Variants in ATP10D observed in about 807,000 individuals in gnomAD.
ATP10D encodes phospholipid-transporting ATPase VD.
In ATP10D, 89 loss-of-function variants were observed where a neutral mutation model predicts 144.8. That is an observed-to-expected ratio of 0.61 (90% CI 0.52 to 0.73). The LOEUF is 0.73. Ranked by LOEUF, ATP10D falls within the 30% of genes least tolerant of loss-of-function variation. ATP10D has a pLI of 0.00. For missense variants in ATP10D, 1,603 were observed against 1,714.8 expected, an observed-to-expected ratio of 0.93 and a Z score of 1.15; for synonymous variants, 571 against 615.1, an observed-to-expected ratio of 0.93 and a Z score of 1.06.
intron 5 of ATP10D, among the ~76,000 whole-genome samples, chr4:47,534,549 T>C (rs12374260): frequency 0.48 from 73,057 of 152,026 alleles, 18,046 homozygotes; most frequent in East Asian, 0.82. Context: ...GATGTCTCCT[T>C]GTCCCATTGT....
chr4:47,524,186 A>T (rs1717115901), intron 4 of ATP10D, among the ~76,000 whole-genome samples: 1 of 152,048 alleles, frequency 6.6e-6, no homozygotes. Flanking sequence ...TCGGCCTCCC[A>T]AAGTGCTGGG....
chr4:47,536,436 G>C lies in ATP10D; in HGVS notation c.1016-1G>C. The C allele has an allele frequency of 6.2e-7, 1 of 1,610,328 alleles. No individual in the cohort carries two copies. Among genetic ancestry groups the C allele is most frequent in the Non-Finnish European group, 8.5e-7 (1 of 1,178,812 alleles). ...TTTGATGTCTGTGTATTTTTTGAAAGGTCATGGAATCTGGCTGAGCAGGTA... is the reference window on the plus strand; with the variant it reads ...TTTGATGTCTGTGTATTTTTTGAAACGTCATGGAATCTGGCTGAGCAGGTA... On this transcript the variant is annotated splice_acceptor_variant, in intron 7 of 22. Transcript: ENST00000273859. LOFTEE classifies it high-confidence loss of function.
chr4:47,500,671 A>G (rs1560409926), intron 1 of ATP10D, among the ~76,000 whole-genome samples: 1 of 152,158 alleles, frequency 6.6e-6, no homozygotes, highest in African/African-American at 2.4e-5. Flanking sequence ...TTGGACCTCC[A>G]TTTGCACTTG....
intron 15 of ATP10D, among the ~76,000 whole-genome samples, chr4:47,566,316 T>C (rs1719636849): frequency 6.6e-6 from 1 of 152,260 alleles, no homozygotes; most frequent in African/African-American, 2.4e-5. Flanking sequence ...ATATCCTGTT[T>C]GTAACTAGTT....
In ATP10D at chr4:47,569,022, A is replaced by G; in HGVS notation, c.3039A>G (p.Gln1013=). 1 of 1,614,234 alleles carries G rather than the reference A, an allele frequency of 6.2e-7. No individual in the cohort carries two copies. Among genetic ancestry groups the G allele is most frequent in the Non-Finnish European group, 8.5e-7 (1 of 1,180,038 alleles). Residue 1013 remains glutamine, a synonymous_variant, in exon 16 of 23, where the codon CAA becomes CAG. Transcript: ENST00000273859. ...AGTTTGCCCTGCAAGAAAGTCTGCA[A>G]AAGCAGTTCCTGGAACTGACATCTT... ...TLEFALQESL[Q]KQFLELTSWC...
intron 22 of ATP10D, 69 bp from the exon 23 acceptor site, chr4:47,590,973 A>AT: frequency 9.7e-7 from 1 of 1,033,892 alleles, no homozygotes; most frequent in Non-Finnish European, 1.3e-6. Context: ...ATTCGTTAGT[A>AT]TTTGGGGGGG....
chr4:47,546,980 G>T, intron 10 of ATP10D, 118 bp downstream of exon 10: 1 of 909,628 alleles, frequency 1.1e-6, no homozygotes, highest in Non-Finnish European at 1.7e-6. Flanking sequence ...GAGACTACAT[G>T]ATTGCAGCTC....
chr4:47,558,343 C>A, intron 12 of ATP10D, 70 bp downstream of exon 12: 1 of 1,531,930 alleles, frequency 6.5e-7, no homozygotes, highest in Non-Finnish European at 8.8e-7. Context: ...TACTTGATGG[C>A]TTTATAAAGG....
chr4:47,586,303 A>G (rs1420258364), intron 21 of ATP10D, among the ~76,000 whole-genome samples: 1 of 152,228 alleles, frequency 6.6e-6, no homozygotes, highest in Admixed American at 6.5e-5. Flanking sequence ...CATGAATATG[A>G]AAGTAGCTAG....
chr4:47,512,632 C>A lies in ATP10D; in HGVS notation c.92C>A (p.Ser31Tyr). ...GATGATTCAGGGCCATACAACTATT[C>A]CTCGTTGCTCGCCTGTGGGCGCAAG... ...RDDDSGPYNY[S>Y]SLLACGRKSS... The change falls in exon 2 of 23, where the codon TCC becomes TAC. Residue 31 changes from serine (S) to tyrosine (Y), a missense_variant. Physicochemically the swap from Ser to Tyr is moderately radical, Grantham distance 144. Transcript: ENST00000273859. 1 of 1,614,156 alleles carries A rather than the reference C, an allele frequency of 6.2e-7. No individual in the cohort carries two copies. Among genetic ancestry groups the A allele is most frequent in the Non-Finnish European group, 8.5e-7 (1 of 1,180,030 alleles).
chr4:47,500,481 T>G (rs1715625160), intron 1 of ATP10D, among the ~76,000 whole-genome samples: 1 of 152,218 alleles, frequency 6.6e-6, no homozygotes, highest in Non-Finnish European at 1.5e-5. Context: ...TGAGAAGTGG[T>G]AAGATTCTGG....
intron 13 of ATP10D, 133 bp downstream of exon 13, chr4:47,559,162 C>T (rs11730590): frequency 0.4 from 252,636 of 631,426 alleles, 51,697 homozygotes; most frequent in Admixed American, 0.44. Context: ...CTCTTTTTAC[C>T]TTCTCTATTC....
rs1229911880 is a variant in ATP10D, at chr4:47,592,778, A to C, written c.*1397A>C. ...GTTATTATTGGAAATAGTCTCTTAC[A>C]TAAGCTGATTTCGAGAACTTTCAAA... On this transcript the variant is annotated 3_prime_UTR_variant, in exon 23 of 23. Coordinates refer to ENST00000273859, the MANE Select transcript of ATP10D (RefSeq NM_020453.4). 6.6e-6 allele frequency: 1 copy of C among 152,574 alleles called. No individual in the cohort carries two copies. Among genetic ancestry groups the C allele is most frequent in the Non-Finnish European group, 1.5e-5 (1 of 68,004 alleles). 9.5% of individuals were successfully genotyped at this position (152,574 alleles called of 1,614,324 possible).
chr4:47,550,054 G>T (rs1718653916), intron 10 of ATP10D, among the ~76,000 whole-genome samples: 1 of 151,970 alleles, frequency 6.6e-6, no homozygotes, highest in Non-Finnish European at 1.5e-5. Context: ...AGTTGCAGTG[G>T]TGGAATGGTG....
chr4:47,552,295 C>G (rs917207058), intron 10 of ATP10D, among the ~76,000 whole-genome samples: 1 of 152,184 alleles, frequency 6.6e-6, no homozygotes, highest in African/African-American at 2.4e-5. Flanking sequence ...TAAATAGTGT[C>G]TTAGTCCATT....
intron 9 of ATP10D, among the ~76,000 whole-genome samples, chr4:47,544,531 G>A (rs140959158): frequency 6.6e-6 from 1 of 152,192 alleles, no homozygotes; most frequent in Non-Finnish European, 1.5e-5. Flanking sequence ...TGTTTAGGCA[G>A]ATTATATGAT....
chr4:47,523,653 G>A (rs976028061), intron 4 of ATP10D, among the ~76,000 whole-genome samples: 1 of 152,138 alleles, frequency 6.6e-6, no homozygotes, highest in African/African-American at 2.4e-5. Flanking sequence ...ATTGACATAG[G>A]TTTAAATGAA....
chr4:47,565,419 A>T (rs1163123021), intron 15 of ATP10D, among the ~76,000 whole-genome samples: 1 of 152,184 alleles, frequency 6.6e-6, no homozygotes, highest in African/African-American at 2.4e-5. Flanking sequence ...GCAGAACAGA[A>T]GAAAATGCTT....
chr4:47,560,919 T>G, intron 13 of ATP10D, 30 bp from the exon 14 acceptor site: 1 of 1,613,726 alleles, frequency 6.2e-7, no homozygotes, highest in South Asian at 1.1e-5. Context: ...TATGGCTTGC[T>G]TCATACCTCT....
Sources: allele counts gnomAD v4.1 joint callset (sites outside exome capture counted in the v4.1 genomes callset), GRCh38; gene constraint gnomAD v4.1.1; transcripts MANE v1.5; gene names NCBI Gene and HGNC (gene_info 2026-07-23, HGNC 2026-07-21).